Variants in ZNF883 observed in about 807,000 individuals in gnomAD.
ZNF883 encodes the protein zinc finger protein 883.
At chr9:112,990,468 T>G (rs190318010) in intron 1 of ZNF883, among the ~76,000 whole-genome samples, 1 of 152,346 alleles carries the variant, frequency 6.6e-6, no homozygotes, top group Admixed American at 6.5e-5. Flanking sequence ...TAAAGCTGAT[T>G]TGATATTAGT....
chr9:112,999,501 G>GCTCA (rs1023584072), upstream of ZNF883, among the ~76,000 whole-genome samples: 3 of 151,872 alleles, frequency 2.0e-5, no homozygotes, highest in African/African-American at 7.3e-5. Context: ...AAGTTAAAGG[G>GCTCA]CTCAGTCCCA....
At chr9:112,989,188 C>T (rs1230915535) in intron 1 of ZNF883, among the ~76,000 whole-genome samples, 1 of 152,184 alleles carries the variant, frequency 6.6e-6, no homozygotes, top group African/African-American at 2.4e-5. Context: ...GCATTTTCAT[C>T]ATGAAATCTT....
upstream of ZNF883, among the ~76,000 whole-genome samples, chr9:113,001,700 T>C (rs1350108508): frequency 6.6e-6 from 1 of 152,188 alleles, no homozygotes; most frequent in Non-Finnish European, 1.5e-5. Flanking sequence ...TTTTGTGACA[T>C]TTCTCCATTT....
chr9:112,989,523 G>A (rs2077168932), intron 1 of ZNF883, among the ~76,000 whole-genome samples: 1 of 152,154 alleles, frequency 6.6e-6, no homozygotes, highest in South Asian at 2.1e-4. Flanking sequence ...GGTTACTGTA[G>A]CCTCATAGTA....
rs33952027 is a variant in ZNF883 at position 113,006,097 on chromosome 9, T to TAAAAAA, written n.166-4030_166-4025dup. On this transcript the variant is annotated intron_variant and non_coding_transcript_variant, in intron 2 of 4. Transcript: ENST00000638622. Reference sequence around the variant, plus strand: ...CTCTAAAAGTTCAAGCATGAAAAATTAAAAAAAAAAAAGAAACCAGCCTAA... The same window carrying TAAAAAA: ...CTCTAAAAGTTCAAGCATGAAAAATTAAAAAAAAAAAAAAAAAAGAAACCAGCCTAA... 4.2e-5 allele frequency among the ~76,000 whole-genome samples: 6 copies of TAAAAAA among 144,394 alleles called. No homozygotes were observed. The South Asian group carries it at 6.5e-4, about 16-fold the overall frequency. The allele number at this position is 144,394 out of a possible 152,430, so 94.7% of individuals were successfully genotyped here. A position where few individuals can be genotyped will look rare whatever the true frequency, so the allele number is the denominator to read the frequency against.
chr9:113,006,080 G>A (rs964951802), intron 2 of ZNF883, among the ~76,000 whole-genome samples: 1 of 135,910 alleles, frequency 7.4e-6, no homozygotes, highest in Non-Finnish European at 1.5e-5. Flanking sequence ...TTCTCTAAAA[G>A]TTCAAGCATG....
upstream of ZNF883, among the ~76,000 whole-genome samples, chr9:113,001,600 A>G (rs908575612): frequency 5.9e-5 from 9 of 152,164 alleles, no homozygotes; most frequent in Non-Finnish European, 7.4e-5. Flanking sequence ...TATTGTTACT[A>G]GCACCACCAT....
At chr9:113,008,339 T>C (rs1247915563) in intron 2 of ZNF883, among the ~76,000 whole-genome samples, 1 of 152,206 alleles carries the variant, frequency 6.6e-6, no homozygotes, top group East Asian at 1.9e-4. Context: ...TGTCCTTTTT[T>C]AACATTCTAA....
At chr9:113,010,872 G>C (rs935336999) in intron 2 of ZNF883, among the ~76,000 whole-genome samples, 2 of 151,426 alleles carry the variant, frequency 1.3e-5, no homozygotes, top group Non-Finnish European at 2.9e-5. Flanking sequence ...TGTAATTCCA[G>C]CTACTCAGGA....
chr9:112,991,765 G>A (rs375423173), intron 1 of ZNF883, among the ~76,000 whole-genome samples: 28 of 152,130 alleles, frequency 1.8e-4, no homozygotes, highest in South Asian at 4.1e-4. Context: ...TGGGTGCTCC[G>A]GTATTGGGTG....
At chr9:113,011,196 A>G (rs1828534895) in exon 2 of ZNF883, 2 of 152,150 alleles carry the variant, frequency 1.3e-5, no homozygotes, top group African/African-American at 4.8e-5. Flanking sequence ...ATGCCATCTT[A>G]TATAAGTAAG....
downstream of ZNF883, among the ~76,000 whole-genome samples, chr9:112,994,670 T>C (rs562467772): frequency 6.6e-6 from 1 of 152,280 alleles, no homozygotes; most frequent in East Asian, 1.9e-4. Flanking sequence ...TCTTGGATTT[T>C]TTAAATTCCT....
At chr9:113,002,784 G>A (rs1402364332), upstream of ZNF883, among the ~76,000 whole-genome samples, 1 of 152,144 alleles carries the variant, frequency 6.6e-6, no homozygotes, top group African/African-American at 2.4e-5. Flanking sequence ...AAGAGGTGGA[G>A]GCCTTCGGGA....
At chr9:113,003,800 G>C (rs1828449745) in intron 2 of ZNF883, among the ~76,000 whole-genome samples, 2 of 152,152 alleles carry the variant, frequency 1.3e-5, no homozygotes, top group South Asian at 4.1e-4. Context: ...CTTCAAAGCA[G>C]AAACAATAAG....
chr9:112,997,127 G>T (rs368552878), exon 1 of ZNF883: 1 of 1,597,460 alleles, frequency 6.3e-7, no homozygotes, highest in South Asian at 1.1e-5. Context: ...TCATTACTCT[G>T]CTAAGGTTTC....
At chr9:112,996,196 C>T (rs1828352381), downstream of ZNF883, among the ~76,000 whole-genome samples, 1 of 151,894 alleles carries the variant, frequency 6.6e-6, no homozygotes. Context: ...CTGCATTGCA[C>T]TGAAAAAAAT....
exon 1 of ZNF883, chr9:112,998,212 A>G: frequency 1.2e-6 from 2 of 1,613,352 alleles, no homozygotes; most frequent in Non-Finnish European, 1.7e-6. Context: ...TCCCACATTC[A>G]GTACAGAGAT....
chr9:113,005,178 T>C (rs1828462299), intron 2 of ZNF883, among the ~76,000 whole-genome samples: 1 of 152,054 alleles, frequency 6.6e-6, no homozygotes, highest in African/African-American at 2.4e-5. Context: ...CTAGAGGCTA[T>C]ATAGAAAAAG....
upstream of ZNF883, among the ~76,000 whole-genome samples, chr9:113,003,123 T>G (rs1349977255): frequency 6.6e-6 from 1 of 152,184 alleles, no homozygotes; most frequent in Non-Finnish European, 1.5e-5. Context: ...AAATCTCACC[T>G]GGAATTGTCC....
Sources: allele counts gnomAD v4.1 joint callset (sites outside exome capture counted in the v4.1 genomes callset), GRCh38; gene constraint gnomAD v4.1.1; transcripts MANE v1.5; gene names NCBI Gene and HGNC (gene_info 2026-07-23, HGNC 2026-07-21).